The following DOP1A variants were observed in gnomAD, a reference collection of about 807,000 sequenced individuals.
DOP1A encodes protein DOP1A.
Under a neutral mutation model 267.6 loss-of-function variants are expected in DOP1A, and 90 were observed. The observed-to-expected ratio is 0.34, with a 90% CI of 0.28 to 0.40. The LOEUF (loss-of-function observed/expected upper bound fraction) is 0.40. Ranked by LOEUF, DOP1A falls within the 10% of genes least tolerant of loss-of-function variation. The probability of loss-of-function intolerance (pLI) is 1.00; values close to 1 mark genes in which losing one functional copy is unlikely to be tolerated. For missense variants in DOP1A, 2,437 were observed against 2,900.4 expected, an observed-to-expected ratio of 0.84 and a Z score of 3.67; for synonymous variants, 932 against 999.1, an observed-to-expected ratio of 0.93 and a Z score of 1.27.
At chr6:83,078,863 G>C (rs1767594108) in intron 1 of DOP1A, among the ~76,000 whole-genome samples, 1 of 152,144 alleles carries the variant, frequency 6.6e-6, no homozygotes, top group Non-Finnish European at 1.5e-5. Context: ...CTCTCTTACA[G>C]AATTAACACC....
At chr6:83,149,446 A>C (rs1421620666) in intron 27 of DOP1A, among the ~76,000 whole-genome samples, 3 of 152,148 alleles carry the variant, frequency 2.0e-5, no homozygotes, top group African/African-American at 7.2e-5. Context: ...AGCCTTTGTG[A>C]AACAGGAAGG....
chr6:83,152,038 C>T lies in DOP1A; in HGVS notation c.6049+11C>T. ...AATCTGATGTTGAAGGTATTCTTGT[C>T]AAACATTTAGGTTTATTATCTGTAA... On this transcript the variant is annotated intron_variant, in intron 29 of 38. Coordinates refer to ENST00000349129, the MANE Select transcript of DOP1A (RefSeq NM_015018.4). 6.2e-7 allele frequency: 1 copy of T among 1,613,524 alleles called. No individual in the cohort carries two copies. The highest frequency in any genetic ancestry group is 8.5e-7 in the Non-Finnish European group (1 of 1,179,662).
rs1362846962 is a variant in DOP1A at position 83,130,385 on chromosome 6, T to C, written c.2604T>C (p.Thr868=). 6.2e-7 allele frequency: 1 copy of C among 1,611,536 alleles called. No homozygotes were observed. The highest frequency in any genetic ancestry group is 1.7e-5 in the Admixed American group (1 of 59,588). The change falls in exon 17 of 39, where the codon ACT becomes ACC. Residue 868 remains threonine, a synonymous_variant. Transcript: ENST00000349129. ...ATCTGAGGTACATAGCTGAGAAGAC[T>C]GAATTTTTCAAGGTAAATTCTAAGA... ...QGNLRYIAEK[T]EFFKHVALTL...
In DOP1A at chr6:83,137,775, A is replaced by G. The variant is rs185381106; in HGVS notation, c.3733A>G (p.Thr1245Ala). ...NSSSPCISGT[T>A]HTLHDSSVAS... ...CTCCTCACCTTGTATTTCAGGAACC[A>G]CACACACTCTTCATGACTCTTCTGT... The change falls in exon 21 of 39, where the codon ACA becomes GCA. Residue 1245 changes from threonine (T) to alanine (A), a missense_variant. Around this residue, in one of 9 missense-constraint regions of DOP1A, gnomAD observed 878 missense variants for 992.9 expected, o/e 0.88. Transcript: ENST00000349129. 1 of 1,613,808 alleles carries G rather than the reference A, an allele frequency of 6.2e-7. No individual in the cohort carries two copies. The highest frequency in any genetic ancestry group is 2.2e-5 in the East Asian group (1 of 44,874).
intron 38 of DOP1A, chr6:83,167,592 T>A (rs1786081285): frequency 1.9e-5 from 22 of 1,149,302 alleles, no homozygotes; most frequent in African/African-American, 3.2e-5. Context: ...TTGACTCTAT[T>A]CCTGTTCAAA....
intron 4 of DOP1A, among the ~76,000 whole-genome samples, chr6:83,107,527 AAT>A (rs141149405): frequency 1.1e-4 from 17 of 152,370 alleles, no homozygotes; most frequent in Non-Finnish European, 2.1e-4. Context: ...AGGATACAGA[AAT>A]AAAAATATAG....
In DOP1A at chr6:83,129,052, A is replaced by T; in HGVS notation, c.1885A>T (p.Ile629Phe). ...GAGTGAGGGCCAGGGGGCAGCTGCCATCCCAATTGGTAGCACATCCTCTGA... is the reference window on the plus strand; with the variant it reads ...GAGTGAGGGCCAGGGGGCAGCTGCCTTCCCAATTGGTAGCACATCCTCTGA... ...ELSEGQGAAAIPIGSTSSETE... is the reference protein window; with the variant it reads ...ELSEGQGAAAFPIGSTSSETE... The change falls in exon 16 of 39, where the codon ATC becomes TTC. Residue 629 changes from isoleucine to phenylalanine, a missense_variant. By Grantham distance (21) the Ile-to-Phe change is conservative. Coordinates refer to ENST00000349129, the MANE Select transcript of DOP1A (RefSeq NM_015018.4). 3 of 1,614,042 alleles carry T rather than the reference A, an allele frequency of 1.9e-6. No individual in the cohort carries two copies. Among genetic ancestry groups the T allele is most frequent in the Non-Finnish European group, 2.5e-6 (3 of 1,179,950 alleles).
At chr6:83,117,513 C>T (rs747979106) in intron 7 of DOP1A, among the ~76,000 whole-genome samples, 1 of 152,048 alleles carries the variant, frequency 6.6e-6, no homozygotes, top group Non-Finnish European at 1.5e-5. Context: ...GACATGCACT[C>T]AAAGGTTGAT....
intron 1 of DOP1A, among the ~76,000 whole-genome samples, chr6:83,078,841 C>T (rs1351561660): frequency 1.3e-5 from 2 of 152,118 alleles, no homozygotes; most frequent in Non-Finnish European, 1.5e-5. Flanking sequence ...GCAAAAATAT[C>T]TAGAGTTAAT....
intron 33 of DOP1A, 97 bp downstream of exon 33, chr6:83,154,338 A>G: frequency 8.9e-7 from 1 of 1,126,968 alleles, no homozygotes. Flanking sequence ...AGACTACTGA[A>G]TTAGCTCTTT....
chr6:83,154,286 T>G, intron 33 of DOP1A, 45 bp downstream of exon 33: 1 of 1,537,010 alleles, frequency 6.5e-7, no homozygotes, highest in Non-Finnish European at 9.0e-7. Flanking sequence ...CTGTACATGG[T>G]TCCTTCTTAC....
chr6:83,139,909 T>C (rs1361406454), intron 21 of DOP1A, 91 bp from the exon 22 acceptor site: 2 of 781,516 alleles, frequency 2.6e-6, no homozygotes, highest in Admixed American at 2.4e-5. Context: ...ACATCTTCTG[T>C]GTACCTGACA....
chr6:83,068,634 G>GA (rs1218861391), intron 1 of DOP1A, among the ~76,000 whole-genome samples: 4 of 152,192 alleles, frequency 2.6e-5, no homozygotes, highest in African/African-American at 7.2e-5. Flanking sequence ...TGTAGAGAGA[G>GA]AAAAATCTGT....
chr6:83,168,206 A>G lies in DOP1A; in HGVS notation c.*39A>G. 6.4e-7 allele frequency: 1 copy of G among 1,572,102 alleles called. No individual in the cohort carries two copies. Among genetic ancestry groups the G allele is most frequent in the Non-Finnish European group, 8.6e-7 (1 of 1,163,390 alleles). The stretch of plus-strand genomic sequence containing the variant: ...TTCCATTTAGCTTACATGTAAATGT[A>G]ATTATTTAAAACACACACACTGCTC... On this transcript the variant is annotated 3_prime_UTR_variant, in exon 39 of 39. Transcript: ENST00000349129.
At chr6:83,091,899 G>A (rs1007604702) in intron 1 of DOP1A, among the ~76,000 whole-genome samples, 3 of 152,036 alleles carry the variant, frequency 2.0e-5, no homozygotes, top group Admixed American at 1.3e-4. Flanking sequence ...TATTTTATAC[G>A]AATTTTATGT....
rs1412611387 is a variant in DOP1A at position 83,108,932 on chromosome 6, G to A, written c.343G>A (p.Ala115Thr). The A allele has an allele frequency of 1.2e-6, 2 of 1,611,156 alleles. No homozygotes were observed. Among genetic ancestry groups the A allele is most frequent in the African/African-American group, 1.3e-5 (1 of 74,714 alleles). ...TAGTTCTGGATTATTTCCTCTTCTT[G>A]CAAATGCTGCCATGTCTGTGAAACC... is the stretch of plus-strand genomic sequence containing the variant. ...LYSSGLFPLL[A>T]NAAMSVKPTL... The change falls in exon 5 of 39, where the codon GCA (alanine) becomes ACA (threonine). Residue 115 changes from alanine (A) to threonine (T), a missense_variant. This residue lies in a region of DOP1A where 251 missense variants were observed against 359.1 expected (regional missense o/e 0.70). Transcript: ENST00000349129.
At chr6:83,141,054 ATTATT>A (rs1779572829) in intron 23 of DOP1A, among the ~76,000 whole-genome samples, 1 of 152,188 alleles carries the variant, frequency 6.6e-6, no homozygotes, top group African/African-American at 2.4e-5. Context: ...TCATTATAGT[ATTATT>A]TAATGGCAGA....
intron 18 of DOP1A, among the ~76,000 whole-genome samples, chr6:83,133,505 T>C (rs1225203456): frequency 6.6e-6 from 1 of 152,098 alleles, no homozygotes; most frequent in Non-Finnish European, 1.5e-5. Flanking sequence ...GCTTGAAGGA[T>C]CCATAAATGC....
intron 23 of DOP1A, among the ~76,000 whole-genome samples, chr6:83,140,938 T>C (rs1319164599): frequency 6.6e-6 from 1 of 152,088 alleles, no homozygotes; most frequent in Non-Finnish European, 1.5e-5. Flanking sequence ...AATTTAGCAA[T>C]ATGTATAGAG....
Sources: gnomAD v4.1 joint callset for allele counts (sites outside exome capture counted in the v4.1 genomes callset) on GRCh38, gnomAD v4.1.1 for gene constraint, gnomAD v4.1.1 regional missense constraint, MANE v1.5 for transcripts, NCBI Gene and HGNC (gene_info 2026-07-23, HGNC 2026-07-21) for gene names.